Variants in POU3F3 observed in about 807,000 individuals in gnomAD.
POU3F3 encodes POU domain, class 3, transcription factor 3.
POU3F3 carries 1 observed loss-of-function variant against 8.6 expected under a neutral mutation model. The ratio of observed to expected loss-of-function variants is 0.12; its 90% CI spans 0.04 to 0.55. The LOEUF (loss-of-function observed/expected upper bound fraction) is 0.55. Ranked by LOEUF, POU3F3 falls within the 20% of genes least tolerant of loss-of-function variation. The pLI is 0.91. For synonymous variants in POU3F3, 418 were observed against 327.4 expected, an observed-to-expected ratio of 1.28 and a Z score of -2.99; for missense variants, 577 against 690.7, an observed-to-expected ratio of 0.84 and a Z score of 1.84.
Position 104,856,182 on chromosome 2 carries a change from GC to G in POU3F3, c.675del (p.Gly226GlufsTer5). 7.9e-7 allele frequency: 1 copy of G among 1,270,024 alleles called. No homozygotes were observed. The highest frequency in any genetic ancestry group is 9.9e-7 in the Non-Finnish European group (1 of 1,013,216). 78.7% of individuals were successfully genotyped at this position (1,270,024 alleles called of 1,614,324 possible). On this transcript the variant is annotated frameshift_variant, in exon 1 of 1. Transcript: ENST00000361360. LOFTEE classifies it high-confidence loss of function. ...PPPQSLLYSQ[P>X]GGFTVNGMLS... ...CGCCGCAGAGTCTGCTCTACTCGCAGCCCGGAGGCTTCACGGTGAACGGCAT... is the reference window on the plus strand; with the variant it reads ...CGCCGCAGAGTCTGCTCTACTCGCAGCCGGAGGCTTCACGGTGAACGGCAT...
At chr2:104,912,253 G>A in the POU3F3 span, among the ~76,000 whole-genome samples, 9 of 152,178 alleles carry the variant, frequency 5.9e-5, no homozygotes, top group Non-Finnish European at 1.2e-4. Flanking sequence ...AGTGTTTCTT[G>A]AATAAACAAA....
At chr2:104,897,408 G>A in the POU3F3 span, among the ~76,000 whole-genome samples, 11 of 152,148 alleles carry the variant, frequency 7.2e-5, no homozygotes, top group Non-Finnish European at 1.3e-4. Flanking sequence ...ACACCTGGGA[G>A]AAAGGAAAAC....
the POU3F3 span, among the ~76,000 whole-genome samples, chr2:104,895,879 C>T: frequency 1.3e-5 from 2 of 152,194 alleles, no homozygotes; most frequent in African/African-American, 4.8e-5. Context: ...ACCTGGAAGA[C>T]CACGGGCTAA....
In POU3F3 at chr2:104,855,360, C is replaced by A. The variant is rs1340235291; in HGVS notation, c.-151C>A. The A allele has an allele frequency of 4.9e-6, 1 of 204,644 alleles. No homozygotes were observed. Among genetic ancestry groups the A allele is most frequent in the Non-Finnish European group, 7.1e-6 (1 of 140,604 alleles). 12.7% of individuals were successfully genotyped at this position (204,644 alleles called of 1,614,324 possible). On this transcript the variant is annotated 5_prime_UTR_variant, in exon 1 of 1. Coordinates refer to ENST00000361360, the MANE Select transcript of POU3F3 (RefSeq NM_006236.3). ...GGAGGAGGCGGCGAAGGCGGCGGGG[C>A]CGGCGGGGGCCCGGGGCGGGGGCGG...
the POU3F3 span, among the ~76,000 whole-genome samples, chr2:104,894,765 C>G: frequency 1.3e-5 from 2 of 152,302 alleles, no homozygotes; most frequent in Admixed American, 1.3e-4. Context: ...ATAAACGACC[C>G]TACAATGTAG....
At chr2:104,865,855 A>C in the POU3F3 span, 1 of 152,174 alleles carries the variant, frequency 6.6e-6, no homozygotes, top group Non-Finnish European at 1.5e-5. Context: ...AAATAAATTA[A>C]ATAGGTCTAA....
At chr2:104,895,702 C>T in the POU3F3 span, among the ~76,000 whole-genome samples, 1 of 152,232 alleles carries the variant, frequency 6.6e-6, no homozygotes, top group African/African-American at 2.4e-5. Flanking sequence ...TTACTTTCCA[C>T]TTCCTATGCC....
At chr2:104,917,661 T>C in the POU3F3 span, among the ~76,000 whole-genome samples, 1 of 152,182 alleles carries the variant, frequency 6.6e-6, no homozygotes, top group African/African-American at 2.4e-5. Context: ...GTCAGTGTCT[T>C]CATGAAACTA....
At chr2:104,877,698 C>T in the POU3F3 span, among the ~76,000 whole-genome samples, 262 of 142,210 alleles carry the variant, frequency 1.8e-3, no homozygotes, top group African/African-American at 6.5e-3. Context: ...CTCACTCTGT[C>T]GCCAGGCTGG....
chr2:104,876,837 C>A, the POU3F3 span, among the ~76,000 whole-genome samples: 3 of 152,290 alleles, frequency 2.0e-5, no homozygotes, highest in East Asian at 1.9e-4. Context: ...CTTCTGCCAC[C>A]AGGCCAGCTT....
At chr2:104,865,099 A>C in the POU3F3 span, among the ~76,000 whole-genome samples, 1 of 152,218 alleles carries the variant, frequency 6.6e-6, no homozygotes, top group Non-Finnish European at 1.5e-5. Flanking sequence ...CTGAGAGTTT[A>C]TATCTAGGTA....
chr2:104,909,685 A>T, the POU3F3 span, among the ~76,000 whole-genome samples: 1 of 152,228 alleles, frequency 6.6e-6, no homozygotes, highest in Non-Finnish European at 1.5e-5. Context: ...TCCCATTTTG[A>T]CATGAAGCCA....
chr2:104,914,292 G>C, the POU3F3 span, among the ~76,000 whole-genome samples: 2 of 152,194 alleles, frequency 1.3e-5, no homozygotes, highest in Non-Finnish European at 2.9e-5. Flanking sequence ...CAGAGGACTA[G>C]TTGTTGATGT....
the POU3F3 span, among the ~76,000 whole-genome samples, chr2:104,913,060 A>G: frequency 4.3e-4 from 65 of 152,318 alleles, no homozygotes; most frequent in Middle Eastern, 0.014. Context: ...TACTGGGTGA[A>G]TGGCCACGGG....
chr2:104,913,584 A>G, the POU3F3 span, among the ~76,000 whole-genome samples: 1 of 152,182 alleles, frequency 6.6e-6, no homozygotes, highest in South Asian at 2.1e-4. Context: ...ACACAATCAA[A>G]GGCTCTGCTG....
downstream of POU3F3, among the ~76,000 whole-genome samples, chr2:104,863,273 C>T (rs919026109): frequency 3.3e-5 from 5 of 151,030 alleles, no homozygotes; most frequent in Non-Finnish European, 7.4e-5. Context: ...ATGAGCAAAC[C>T]TGGGGGCTGG....
At chr2:104,871,557 G>A in the POU3F3 span, among the ~76,000 whole-genome samples, 10 of 152,270 alleles carry the variant, frequency 6.6e-5, no homozygotes, top group South Asian at 6.2e-4. Flanking sequence ...TCATGGAGAG[G>A]TACAGGTGGT....
chr2:104,880,603 G>A, the POU3F3 span, among the ~76,000 whole-genome samples: 1 of 152,216 alleles, frequency 6.6e-6, no homozygotes, highest in Non-Finnish European at 1.5e-5. Flanking sequence ...ATTTTCTCAA[G>A]TCCATTCTGA....
chr2:104,885,419 G>A, the POU3F3 span, among the ~76,000 whole-genome samples: 7 of 152,322 alleles, frequency 4.6e-5, 1 homozygote, highest in South Asian at 1.2e-3. Flanking sequence ...AGATCAGCAC[G>A]AGGTACAAGT....
Sources: gnomAD v4.1 joint callset for allele counts (sites outside exome capture counted in the v4.1 genomes callset) on GRCh38, gnomAD v4.1.1 for gene constraint, MANE v1.5 for transcripts, NCBI Gene and HGNC (gene_info 2026-07-23, HGNC 2026-07-21) for gene names.